ARHGAP26: variants seen among roughly 807,000 people sequenced by gnomAD.
The protein encoded by ARHGAP26 is rho GTPase-activating protein 26.
Under a neutral mutation model 104.8 loss-of-function variants are expected in ARHGAP26, and 38 were observed. That is an observed-to-expected ratio of 0.36 (90% CI 0.28 to 0.48). The LOEUF (loss-of-function observed/expected upper bound fraction) is 0.48, where lower values mean the gene tolerates loss of function less well. Among genes scored for constraint, ARHGAP26 ranks in the 20% least tolerant of loss-of-function variants. The pLI is 0.99. For synonymous variants in ARHGAP26, 341 were observed against 340.0 expected (o/e 1.00, Z -0.03); for missense variants, 704 against 947.9 (o/e 0.74, Z 3.38).
At chr5:143,220,046 C>T (rs1810930270) in intron 22 of ARHGAP26, among the ~76,000 whole-genome samples, 1 of 152,188 alleles carries the variant, frequency 6.6e-6, no homozygotes, top group African/African-American at 2.4e-5. Flanking sequence ...GTTTTCACCC[C>T]AGTACCTGTG....
At chr5:142,877,983 G>A (rs923536670) in intron 3 of ARHGAP26, among the ~76,000 whole-genome samples, 27 of 152,098 alleles carry the variant, frequency 1.8e-4, no homozygotes, top group Admixed American at 3.9e-4. Flanking sequence ...AATTAACACC[G>A]CAACACTCTA....
At chr5:142,787,949 G>A (rs1014863914) in intron 1 of ARHGAP26, among the ~76,000 whole-genome samples, 1 of 149,786 alleles carries the variant, frequency 6.7e-6, no homozygotes, top group East Asian at 2.0e-4. Flanking sequence ...TTTTTGGATG[G>A]TTAGGTTGTA....
At chr5:143,046,490 G>A (rs1469346201) in intron 14 of ARHGAP26, among the ~76,000 whole-genome samples, 1 of 152,162 alleles carries the variant, frequency 6.6e-6, no homozygotes, top group Non-Finnish European at 1.5e-5. Flanking sequence ...ATTCCTCATA[G>A]CAAGTGCAGT....
intron 1 of ARHGAP26, among the ~76,000 whole-genome samples, chr5:142,814,979 C>T (rs1764814505): frequency 6.6e-6 from 1 of 152,186 alleles, no homozygotes; most frequent in Admixed American, 6.5e-5. Context: ...GATAGAGCAA[C>T]ATCATATTAC....
At chr5:142,971,232 G>A (rs984927004) in intron 11 of ARHGAP26, among the ~76,000 whole-genome samples, 3 of 152,152 alleles carry the variant, frequency 2.0e-5, no homozygotes, top group African/African-American at 7.2e-5. Flanking sequence ...AAGGGACTAT[G>A]CTTGGTACAG....
At chr5:142,839,788 C>T (rs1297464891) in intron 1 of ARHGAP26, among the ~76,000 whole-genome samples, 1 of 151,676 alleles carries the variant, frequency 6.6e-6, no homozygotes, top group Non-Finnish European at 1.5e-5. Context: ...GGCAGCTGGC[C>T]GAAGAGCTTG....
intron 1 of ARHGAP26, among the ~76,000 whole-genome samples, chr5:142,807,634 C>T (rs1763235277): frequency 6.6e-6 from 1 of 152,190 alleles, no homozygotes; most frequent in African/African-American, 2.4e-5. Context: ...CCCCTGCCCT[C>T]TTCACCCTTT....
chr5:143,068,665 G>C (rs1562364674), intron 17 of ARHGAP26, among the ~76,000 whole-genome samples: 1 of 152,120 alleles, frequency 6.6e-6, no homozygotes, highest in Non-Finnish European at 1.5e-5. Context: ...CATGAGAAAG[G>C]AAAAAGCAAC....
rs1393932357 is a variant in ARHGAP26, at chr5:142,981,759, A to G, written c.1108-32321A>G. ...ACTTCTCCAGAACGCTCAGCCCAAA[A>G]CCAAACTGGAGTTGCCTTTGTCCCT... is the stretch of plus-strand genomic sequence containing the variant. On this transcript the variant is annotated intron_variant, in intron 11 of 22. Transcript: ENST00000645722. Among the ~76,000 whole-genome samples the G allele has an allele frequency of 7.9e-5, 12 of 152,152 alleles. No individual in the cohort carries two copies. The East Asian group carries it at 2.1e-3, about 27-fold the overall frequency.
chr5:143,128,012 A>G (rs1037671389), intron 18 of ARHGAP26, among the ~76,000 whole-genome samples: 16 of 152,028 alleles, frequency 1.1e-4, no homozygotes, highest in African/African-American at 2.2e-4. Flanking sequence ...TTCCCTTCCA[A>G]TGGTTCTTGC....
chr5:143,152,642 C>G (rs958438543), intron 20 of ARHGAP26, among the ~76,000 whole-genome samples: 2 of 152,174 alleles, frequency 1.3e-5, no homozygotes, highest in Non-Finnish European at 2.9e-5. Context: ...TGACCTTTAC[C>G]CTTTGACTTA....
At chr5:143,005,438 G>A (rs1277050929) in intron 11 of ARHGAP26, among the ~76,000 whole-genome samples, 1 of 152,244 alleles carries the variant, frequency 6.6e-6, no homozygotes, top group African/African-American at 2.4e-5. Flanking sequence ...CATATGTGCA[G>A]TAGGATGCAT....
At chr5:142,989,901 T>C (rs1007187151) in intron 11 of ARHGAP26, among the ~76,000 whole-genome samples, 1 of 151,850 alleles carries the variant, frequency 6.6e-6, no homozygotes, top group Non-Finnish European at 1.5e-5. Context: ...TTCCTTCATT[T>C]CAGCTTTGGT....
chr5:143,151,227 A>G (rs1799802815), intron 20 of ARHGAP26, among the ~76,000 whole-genome samples: 1 of 152,240 alleles, frequency 6.6e-6, no homozygotes, highest in African/African-American at 2.4e-5. Flanking sequence ...AGATACCACT[A>G]CACACCTCTG....
intron 17 of ARHGAP26, among the ~76,000 whole-genome samples, chr5:143,069,297 G>A (rs1787931949): frequency 6.6e-6 from 1 of 152,058 alleles, no homozygotes; most frequent in South Asian, 2.1e-4. Context: ...ATTGCTGTCT[G>A]CTCTACACTA....
chr5:142,831,408 A>T (rs568085914), intron 1 of ARHGAP26, among the ~76,000 whole-genome samples: 1 of 152,000 alleles, frequency 6.6e-6, no homozygotes, highest in South Asian at 2.1e-4. Context: ...TCCACAGAAG[A>T]CAATCTCTGA....
intron 10 of ARHGAP26, among the ~76,000 whole-genome samples, chr5:142,920,593 C>G (rs1207401169): frequency 6.6e-6 from 1 of 152,184 alleles, no homozygotes; most frequent in Non-Finnish European, 1.5e-5. Flanking sequence ...TTAGCTGACT[C>G]TCACCAATGT....
chr5:142,880,705 T>C (rs544964066), intron 4 of ARHGAP26, among the ~76,000 whole-genome samples: 1 of 150,140 alleles, frequency 6.7e-6, no homozygotes, highest in African/African-American at 2.5e-5. Context: ...CAGGGGCTTT[T>C]GGGCAACACC....
intron 11 of ARHGAP26, among the ~76,000 whole-genome samples, chr5:142,983,418 C>A (rs1453391560): frequency 1.3e-5 from 2 of 152,202 alleles, no homozygotes; most frequent in African/African-American, 4.8e-5. Flanking sequence ...GTTGGCCAGG[C>A]TGGTCTTGAA....
Sources: gnomAD v4.1 joint callset for allele counts (sites outside exome capture counted in the v4.1 genomes callset) on GRCh38, gnomAD v4.1.1 for gene constraint, MANE v1.5 for transcripts, NCBI Gene and HGNC (gene_info 2026-07-23, HGNC 2026-07-21) for gene names.